The following SPOCK3 variants were observed in gnomAD, a reference collection of about 807,000 sequenced individuals.
The protein encoded by SPOCK3 is SPARC (osteonectin), cwcv and kazal like domains proteoglycan 3, also known as testican-3.
SPOCK3 carries 30 observed loss-of-function variants against 56.6 expected under a neutral mutation model. The observed-to-expected ratio is 0.53, with a 90% CI of 0.40 to 0.72. SPOCK3 has a LOEUF of 0.72. SPOCK3 is among the 30% of genes least tolerant of loss of function. SPOCK3 has a pLI of 0.00. For synonymous variants in SPOCK3, 196 were observed against 183.3 expected, an observed-to-expected ratio of 1.07 and a Z score of -0.56; for missense variants, 527 against 530.0, an observed-to-expected ratio of 0.99 and a Z score of 0.06.
At chr4:166,787,425 T>C (rs1740847339) in intron 7 of SPOCK3, among the ~76,000 whole-genome samples, 1 of 152,238 alleles carries the variant, frequency 6.6e-6, no homozygotes, top group East Asian at 1.9e-4. Context: ...CTAATAAAAA[T>C]AGAGATTGCT....
chr4:166,968,711 C>T (rs935541484), intron 4 of SPOCK3, among the ~76,000 whole-genome samples: 1 of 148,358 alleles, frequency 6.7e-6, no homozygotes, highest in Non-Finnish European at 1.5e-5. Context: ...TCATGGAGAA[C>T]CTCTACTAGG....
chr4:166,749,987 G>A (rs754657626), intron 8 of SPOCK3, among the ~76,000 whole-genome samples: 2 of 151,948 alleles, frequency 1.3e-5, no homozygotes, highest in African/African-American at 2.4e-5. Flanking sequence ...GAACACCCTC[G>A]TGCATTTGAG....
chr4:167,037,738 A>C (rs1222458447), intron 3 of SPOCK3, among the ~76,000 whole-genome samples: 1 of 152,192 alleles, frequency 6.6e-6, no homozygotes, highest in East Asian at 1.9e-4. Context: ...AGAACACCTA[A>C]CTTAAGTGGA....
At chr4:167,028,680 G>GA in intron 3 of SPOCK3, among the ~76,000 whole-genome samples, 1 of 151,912 alleles carries the variant, frequency 6.6e-6, no homozygotes, top group South Asian at 2.1e-4. Flanking sequence ...CAAGGAGATT[G>GA]AAAAATCTCT....
chr4:167,059,961 A>G lies in SPOCK3; in HGVS notation c.235+2531T>C, dbSNP rs894441766. Among the ~76,000 whole-genome samples, 4 of 148,528 alleles carry G rather than the reference A, an allele frequency of 2.7e-5. No individual in the cohort carries two copies. The South Asian group carries it at 6.7e-4, about 25-fold the overall frequency. ...GGTGGGAATTGAACAATGCGAACAC[A>G]TGGACACAGGAAGGGGAACATCTCA... On this transcript the variant is annotated intron_variant, in intron 3 of 10. Coordinates refer to ENST00000357545, the MANE Select transcript of SPOCK3 (RefSeq NM_001040159.2).
At chr4:167,211,224 C>T (rs888275894) in intron 2 of SPOCK3, among the ~76,000 whole-genome samples, 2 of 152,034 alleles carry the variant, frequency 1.3e-5, no homozygotes, top group African/African-American at 2.4e-5. Context: ...ATTTGGAATG[C>T]GTGTATTTAC....
chr4:167,031,703 A>T (rs1159398603), intron 3 of SPOCK3, among the ~76,000 whole-genome samples: 1 of 152,028 alleles, frequency 6.6e-6, no homozygotes, highest in Non-Finnish European at 1.5e-5. Context: ...ATAATTAAAA[A>T]TAGGGTTTAT....
chr4:167,112,352 A>C (rs1307632156), intron 2 of SPOCK3, among the ~76,000 whole-genome samples: 2 of 152,132 alleles, frequency 1.3e-5, no homozygotes, highest in Non-Finnish European at 2.9e-5. Flanking sequence ...TTTTAAATAT[A>C]AATTGCTTAA....
At chr4:166,920,618 G>A (rs1237704202) in intron 4 of SPOCK3, among the ~76,000 whole-genome samples, 1 of 152,120 alleles carries the variant, frequency 6.6e-6, no homozygotes, top group East Asian at 1.9e-4. Context: ...AAATATCAAG[G>A]AGATTCTATA....
At chr4:166,939,541 G>A (rs2150012578) in intron 4 of SPOCK3, among the ~76,000 whole-genome samples, 1 of 152,270 alleles carries the variant, frequency 6.6e-6, no homozygotes, top group South Asian at 2.1e-4. Flanking sequence ...GAAATCCATA[G>A]TTCTATGCAG....
chr4:166,940,061 G>A (rs1376354013), intron 4 of SPOCK3, among the ~76,000 whole-genome samples: 3 of 152,104 alleles, frequency 2.0e-5, no homozygotes, highest in Non-Finnish European at 4.4e-5. Flanking sequence ...TAAAATACAT[G>A]GGGAAAATGG....
intron 10 of SPOCK3, among the ~76,000 whole-genome samples, chr4:166,736,270 C>T (rs567915466): frequency 1.3e-5 from 2 of 152,188 alleles, no homozygotes; most frequent in African/African-American, 4.8e-5. Context: ...TTAAGGAACT[C>T]ATCTCCATAT....
chr4:166,953,359 G>A (rs952545114), intron 4 of SPOCK3, among the ~76,000 whole-genome samples: 3 of 152,082 alleles, frequency 2.0e-5, no homozygotes, highest in Non-Finnish European at 2.9e-5. Flanking sequence ...GGCCATCAGA[G>A]AAATGCAAAT....
At chr4:166,865,458 G>T (rs572610493) in intron 6 of SPOCK3, among the ~76,000 whole-genome samples, 1 of 152,190 alleles carries the variant, frequency 6.6e-6, no homozygotes, top group Non-Finnish European at 1.5e-5. Context: ...AAGAAATAAA[G>T]TTTTTCAAAT....
chr4:166,922,457 T>G (rs10020692), intron 4 of SPOCK3, among the ~76,000 whole-genome samples: 78 of 152,044 alleles, frequency 5.1e-4, no homozygotes, highest in Non-Finnish European at 9.3e-4. Context: ...TTCTAACTCC[T>G]CTTATGCTTT....
chr4:166,874,375 G>A (rs1732860045), intron 6 of SPOCK3, among the ~76,000 whole-genome samples: 1 of 152,084 alleles, frequency 6.6e-6, no homozygotes, highest in South Asian at 2.1e-4. Flanking sequence ...GATTGTGGCA[G>A]GCAGGCTTGT....
intron 3 of SPOCK3, among the ~76,000 whole-genome samples, chr4:167,033,205 G>T (rs1220850341): frequency 6.6e-6 from 1 of 151,386 alleles, no homozygotes; most frequent in African/African-American, 2.4e-5. Flanking sequence ...TAAACTAAAA[G>T]GAATTCTTCC....
chr4:166,911,657 C>A (rs1737285507), intron 5 of SPOCK3, among the ~76,000 whole-genome samples: 3 of 152,116 alleles, frequency 2.0e-5, no homozygotes, highest in Non-Finnish European at 2.9e-5. Context: ...TCTGCCTCAG[C>A]CTCCCGAGTA....
chr4:167,011,192 A>G (rs1345688282), intron 3 of SPOCK3: 25 of 441,210 alleles, frequency 5.7e-5, no homozygotes, highest in Non-Finnish European at 4.6e-5. Flanking sequence ...TTGAGTAAAA[A>G]ATACAAAAAA....
Sources: gnomAD v4.1 joint callset for allele counts (sites outside exome capture counted in the v4.1 genomes callset) on GRCh38, gnomAD v4.1.1 for gene constraint, MANE v1.5 for transcripts, NCBI Gene and HGNC (gene_info 2026-07-23, HGNC 2026-07-21) for gene names.